The following ANXA2 variants were observed in gnomAD, a reference collection of about 807,000 sequenced individuals.
The protein encoded by ANXA2 is annexin A2, also known as annexin II.
ANXA2 carries 28 observed loss-of-function variants against 47.3 expected under a neutral mutation model. That is an observed-to-expected ratio of 0.59 (90% confidence interval 0.44 to 0.81). The LOEUF (loss-of-function observed/expected upper bound fraction) is 0.81. ANXA2 is among the 40% of genes least tolerant of loss of function. The pLI is 0.00. For synonymous variants in ANXA2, 172 were observed against 155.5 expected (o/e 1.11, Z -0.79); for missense variants, 384 against 414.3 (o/e 0.93, Z 0.64).
chr15:60,369,207 T>G (rs1013234718), intron 3 of ANXA2, among the ~76,000 whole-genome samples: 1 of 152,242 alleles, frequency 6.6e-6, no homozygotes, highest in African/African-American at 2.4e-5. Flanking sequence ...CAGAAGAGAT[T>G]GATTCAAAGA....
At chr15:60,364,657 ATTTGT>A in intron 3 of ANXA2, 134 bp from the exon 4 acceptor site, 1 of 614,160 alleles carries the variant, frequency 1.6e-6, no homozygotes, top group Admixed American at 3.5e-5. Flanking sequence ...AGACACCAAG[ATTTGT>A]TCTATCTCTT....
At chr15:60,380,181 A>G (rs1408664234) in intron 3 of ANXA2, among the ~76,000 whole-genome samples, 1 of 152,192 alleles carries the variant, frequency 6.6e-6, no homozygotes, top group African/African-American at 2.4e-5. Flanking sequence ...TTAAGGTAAC[A>G]TATTTTGAGT....
intron 3 of ANXA2, among the ~76,000 whole-genome samples, chr15:60,375,407 T>C (rs1487810244): frequency 6.6e-6 from 1 of 152,182 alleles, no homozygotes; most frequent in African/African-American, 2.4e-5. Context: ...TGCTGCTAAT[T>C]ACAGTCTATT....
chr15:60,361,968 T>C (rs2062521479), intron 4 of ANXA2, among the ~76,000 whole-genome samples: 1 of 152,032 alleles, frequency 6.6e-6, no homozygotes, highest in Non-Finnish European at 1.5e-5. Context: ...CTGTGGCATC[T>C]ACAAAGCTTA....
At chr15:60,386,564 C>CT (rs1334427326) in intron 1 of ANXA2, 4 of 153,256 alleles carry the variant, frequency 2.6e-5, no homozygotes, top group Non-Finnish European at 5.8e-5. Flanking sequence ...TAATTGGAAT[C>CT]TTTATTATTA....
chr15:60,368,123 T>C (rs1335623869), intron 3 of ANXA2, among the ~76,000 whole-genome samples: 11 of 141,428 alleles, frequency 7.8e-5, no homozygotes, highest in African/African-American at 2.9e-4. Flanking sequence ...GCATGCTCGT[T>C]AAGAGTCATC....
intron 9 of ANXA2, 30 bp from the exon 10 acceptor site, chr15:60,351,849 T>A: frequency 6.9e-7 from 1 of 1,454,132 alleles, no homozygotes. Context: ...AGTTATCAGA[T>A]CCGAGCCACT....
intron 12 of ANXA2, 80 bp from the exon 13 acceptor site, chr15:60,347,769 C>CAG (rs1895788130): frequency 1.6e-6 from 2 of 1,244,712 alleles, no homozygotes; most frequent in Non-Finnish European, 2.3e-6. Context: ...GTAGCCTCAA[C>CAG]GCACAATGAA....
chr15:60,354,149 C>T lies in ANXA2; in HGVS notation c.588+5G>A. 6.2e-7 allele frequency: 1 copy of T among 1,613,524 alleles called. No homozygotes were observed. Among genetic ancestry groups the T allele is most frequent in the Non-Finnish European group, 8.5e-7 (1 of 1,179,554 alleles). On this transcript the variant is annotated splice_donor_5th_base_variant and intron_variant, in intron 8 of 12. Transcript: ENST00000451270. ...AAAACTCAAAGCAAAAAGCTCAGCA[C>T]TTACCCGAGCATCTTGGTCAATCAG...
At position 60,347,544 on chromosome 15, in the gene ANXA2, G is replaced by A; in HGVS notation, c.*86C>T. 7.4e-7 allele frequency: 1 copy of A among 1,350,486 alleles called. No individual in the cohort carries two copies. Among genetic ancestry groups the A allele is most frequent in the Non-Finnish European group, 1.1e-6 (1 of 943,564 alleles). The allele number at this position is 1,350,486 out of a possible 1,614,324, so 83.7% of individuals were successfully genotyped here. Reference sequence around the variant, plus strand: ...TCACCCTCACAGGGATGGCCACGGGGACTGTTATTCGCAAGCTGGTTTTCT... The same window carrying A: ...TCACCCTCACAGGGATGGCCACGGGAACTGTTATTCGCAAGCTGGTTTTCT... On this transcript the variant is annotated 3_prime_UTR_variant, in exon 13 of 13. Transcript: ENST00000451270.
intron 10 of ANXA2, 59 bp from the exon 11 acceptor site, chr15:60,351,310 G>A (rs1896003886): frequency 6.4e-6 from 10 of 1,556,088 alleles, no homozygotes; most frequent in Non-Finnish European, 8.9e-6. Context: ...CTCTACCAAT[G>A]AGAGAGGATG....
In ANXA2 at chr15:60,356,052, C is replaced by T. The variant is rs186009150; in HGVS notation, c.449-54G>A. 1.3e-4 allele frequency: 171 copies of T among 1,357,566 alleles called. No individual in the cohort carries two copies. In the African/African-American group the frequency reaches 2.1e-3, roughly 17 times the overall value. The allele number at this position is 1,357,566 out of a possible 1,614,324, so 84.1% of individuals were successfully genotyped here. On this transcript the variant is annotated intron_variant, in intron 6 of 12. Transcript: ENST00000451270. ...CTTTCTGCCTGTGTAGCCAACCATC[C>T]ACCCCAATCTCCCCATTTCCCACTA...
chr15:60,351,936 C>T (rs982641818), intron 9 of ANXA2, 117 bp from the exon 10 acceptor site: 2 of 738,772 alleles, frequency 2.7e-6, no homozygotes, highest in South Asian at 1.8e-5. Context: ...ATCACAGCAT[C>T]CTAGGAGCTT....
At chr15:60,355,818 GCAGGCA>G in intron 7 of ANXA2, 95 bp downstream of exon 7, 3 of 999,470 alleles carry the variant, frequency 3.0e-6, no homozygotes, top group Non-Finnish European at 4.8e-6. Flanking sequence ...AATTTCTGAT[GCAGGCA>G]CAGGGGATTT....
chr15:60,389,150 G>C (rs1166155531), intron 1 of ANXA2, among the ~76,000 whole-genome samples: 1 of 152,078 alleles, frequency 6.6e-6, no homozygotes, highest in Non-Finnish European at 1.5e-5. Context: ...TCTGCAGCAG[G>C]GGATAAACTG....
intron 1 of ANXA2, chr15:60,397,727 G>T: frequency 1.7e-6 from 1 of 580,514 alleles, no homozygotes; most frequent in Non-Finnish European, 2.5e-6. Context: ...CCCGGCCCGA[G>T]GGCCGGTGGC....
chr15:60,369,313 CTG>C (rs2062681679), intron 3 of ANXA2, among the ~76,000 whole-genome samples: 1 of 152,220 alleles, frequency 6.6e-6, no homozygotes, highest in African/African-American at 2.4e-5. Context: ...CTCCCTTGCT[CTG>C]TCTCTCAAAA....
intron 3 of ANXA2, among the ~76,000 whole-genome samples, chr15:60,380,212 C>G (rs754685226): frequency 2.0e-5 from 3 of 152,226 alleles, no homozygotes; most frequent in African/African-American, 7.2e-5. Context: ...TGCCAGGCAT[C>G]GTGCTAAATG....
At chr15:60,390,328 A>G in intron 1 of ANXA2, 1 of 970,726 alleles carries the variant, frequency 1.0e-6, no homozygotes, top group Non-Finnish European at 1.3e-6. Flanking sequence ...CTAGAAATAA[A>G]ATATGGCCAC....
Sources: allele counts gnomAD v4.1 joint callset (sites outside exome capture counted in the v4.1 genomes callset), GRCh38; gene constraint gnomAD v4.1.1; transcripts MANE v1.5; gene names NCBI Gene and HGNC (gene_info 2026-07-23, HGNC 2026-07-21).